GFRA2: variants seen among roughly 807,000 people sequenced by gnomAD.
GFRA2 encodes the protein GDNF family receptor alpha-2.
GFRA2 carries 17 observed loss-of-function variants against 48.3 expected under a neutral mutation model. That is an observed-to-expected ratio of 0.35 (90% CI 0.24 to 0.53). The LOEUF (loss-of-function observed/expected upper bound fraction) is 0.53. Among genes scored for constraint, GFRA2 ranks in the 20% least tolerant of loss-of-function variants. The pLI is 0.93. For synonymous variants in GFRA2, 305 were observed against 257.2 expected (o/e 1.19, Z -1.78); for missense variants, 660 against 637.3 (o/e 1.04, Z -0.38).
intron 2 of GFRA2, among the ~76,000 whole-genome samples, chr8:21,796,435 A>T (rs1281451318): frequency 1.3e-5 from 2 of 152,254 alleles, no homozygotes; most frequent in Admixed American, 1.3e-4. Context: ...CAACAGCTCC[A>T]CAGGCAGTAT....
intron 4 of GFRA2, among the ~76,000 whole-genome samples, chr8:21,723,218 G>C (rs1803689065): frequency 6.6e-6 from 1 of 152,182 alleles, no homozygotes; most frequent in Non-Finnish European, 1.5e-5. Context: ...GGAATGAGGA[G>C]ACTCTTAGTT....
At chr8:21,810,246 C>T (rs1328948812) in intron 1 of GFRA2, among the ~76,000 whole-genome samples, 1 of 152,182 alleles carries the variant, frequency 6.6e-6, no homozygotes, top group Non-Finnish European at 1.5e-5. Flanking sequence ...CCCCAGATAC[C>T]ATCCACAACA....
chr8:21,775,171 G>T lies in GFRA2; in HGVS notation c.356-116C>A, dbSNP rs1158496541. ...AGGGGAAAGCTCGTGCCACCCAAAGGATAAGAGACAGGGCAGCCCTTCCCA... is the reference window on the plus strand; with the variant it reads ...AGGGGAAAGCTCGTGCCACCCAAAGTATAAGAGACAGGGCAGCCCTTCCCA... On this transcript the variant is annotated intron_variant, in intron 2 of 8. Transcript: ENST00000524240. The T allele has an allele frequency of 4.5e-6, 3 of 665,116 alleles. No homozygotes were observed. In the African/African-American group the frequency reaches 5.3e-5, roughly 12 times the overall value. 41.2% of individuals were successfully genotyped at this position (665,116 alleles called of 1,614,324 possible). A position where few individuals can be genotyped will look rare whatever the true frequency, so the allele number is the denominator to read the frequency against.
chr8:21,739,071 C>T (rs1231822824), intron 4 of GFRA2, among the ~76,000 whole-genome samples: 5 of 152,166 alleles, frequency 3.3e-5, no homozygotes, highest in Admixed American at 2.0e-4. Flanking sequence ...ACAGTGCACC[C>T]CCATGGATGG....
intron 4 of GFRA2, among the ~76,000 whole-genome samples, chr8:21,712,206 C>T (rs905484275): frequency 3.3e-5 from 5 of 152,394 alleles, no homozygotes; most frequent in African/African-American, 9.6e-5. Context: ...GTACACCTCC[C>T]AGACGGGGTG....
chr8:21,774,039 C>G (rs1163772468), intron 3 of GFRA2, among the ~76,000 whole-genome samples: 1 of 152,156 alleles, frequency 6.6e-6, no homozygotes, highest in Non-Finnish European at 1.5e-5. Context: ...TTCAGACTGC[C>G]ACAAAACTGC....
intron 4 of GFRA2, among the ~76,000 whole-genome samples, chr8:21,713,732 G>A (rs141804151): frequency 2.3e-4 from 35 of 152,238 alleles, no homozygotes; most frequent in Middle Eastern, 3.4e-3. Flanking sequence ...GCCTGGTTCC[G>A]GACAAGCAAT....
chr8:21,758,015 A>G (rs1585305479), intron 3 of GFRA2, among the ~76,000 whole-genome samples: 1 of 152,120 alleles, frequency 6.6e-6, no homozygotes, highest in Non-Finnish European at 1.5e-5. Flanking sequence ...CGGAGGGGGA[A>G]GTCACCGGTT....
intron 1 of GFRA2, among the ~76,000 whole-genome samples, chr8:21,785,606 C>T (rs2117083717): frequency 6.6e-6 from 1 of 152,274 alleles, no homozygotes; most frequent in African/African-American, 2.4e-5. Flanking sequence ...GCTACAATTG[C>T]CCTACTGCAT....
chr8:21,706,987 C>A (rs1802782042), intron 4 of GFRA2, among the ~76,000 whole-genome samples: 1 of 152,054 alleles, frequency 6.6e-6, no homozygotes, highest in Non-Finnish European at 1.5e-5. Context: ...GGATGCTCCC[C>A]CTCTGCCATG....
chr8:21,773,437 A>G (rs1378972592), intron 3 of GFRA2, among the ~76,000 whole-genome samples: 2 of 152,184 alleles, frequency 1.3e-5, no homozygotes, highest in Admixed American at 6.5e-5. Context: ...CTGGGCATCC[A>G]AGATTTCTCC....
At chr8:21,754,199 G>T (rs762992706) in intron 3 of GFRA2, among the ~76,000 whole-genome samples, 10 of 152,194 alleles carry the variant, frequency 6.6e-5, no homozygotes, top group Non-Finnish European at 1.3e-4. Context: ...TCAAATACAA[G>T]CTCCAGGAAG....
rs1017865630 is a variant in GFRA2 at position 21,788,234 on chromosome 8, A to G, written c.-75T>C. On this transcript the variant is annotated 5_prime_UTR_variant, in exon 1 of 9. Coordinates refer to ENST00000524240, the MANE Select transcript of GFRA2 (RefSeq NM_001495.5). Reference sequence around the variant, plus strand: ...AATAATAGTAGTAACAACAACAATAATAATAGGCAAGCAGTGGTAATCAGC... The same window carrying G: ...AATAATAGTAGTAACAACAACAATAGTAATAGGCAAGCAGTGGTAATCAGC... The G allele has an allele frequency of 1.3e-6, 2 of 1,572,662 alleles. No homozygotes were observed. Among genetic ancestry groups the G allele is most frequent in the East Asian group, 4.8e-5 (2 of 41,410 alleles).
chr8:21,729,160 G>T (rs1804049238), intron 4 of GFRA2, among the ~76,000 whole-genome samples: 1 of 152,150 alleles, frequency 6.6e-6, no homozygotes, highest in Non-Finnish European at 1.5e-5. Flanking sequence ...TGGCTGAGCT[G>T]TGGGGCATTA....
rs565065578 is a variant in GFRA2 at position 21,694,300 on chromosome 8, C to G, written c.1272+164G>C. Among the ~76,000 whole-genome samples, 201 of 151,850 alleles carry G rather than the reference C, an allele frequency of 1.3e-3. 2 individuals are homozygous for G. The highest frequency in any genetic ancestry group is 4.7e-3 in the African/African-American group (194 of 41,418). The stretch of plus-strand genomic sequence containing the variant: ...GCCCTGGATGCAGCCTTCGCACTCC[C>G]CCACCCCACCCCAGCAGAGTAAGTG... On this transcript the variant is annotated intron_variant, in intron 8 of 8. Transcript: ENST00000524240.
Position 21,699,025 on chromosome 8 carries a change from G to A in GFRA2, c.1218+3780C>T, listed in dbSNP as rs572379096. ...GACCCCATCACCCTCTACCAGTCCCGCACGCAGCAGGTGCACCAATCACCT... is the reference window on the plus strand; with the variant it reads ...GACCCCATCACCCTCTACCAGTCCCACACGCAGCAGGTGCACCAATCACCT... On this transcript the variant is annotated intron_variant, in intron 7 of 8. Coordinates refer to ENST00000524240, the MANE Select transcript of GFRA2 (RefSeq NM_001495.5). Among the ~76,000 whole-genome samples, 147 of 152,252 alleles carry A rather than the reference G, an allele frequency of 9.7e-4. 1 individual carries two copies. In the Middle Eastern group the frequency reaches 0.014, roughly 14 times the overall value.
chr8:21,775,013 G>T lies in GFRA2; in HGVS notation c.398C>A (p.Ser133Tyr). The change falls in exon 3 of 9, where the codon TCC becomes TAC. Residue 133 changes from serine to tyrosine, a missense_variant. Coordinates refer to ENST00000524240, the MANE Select transcript of GFRA2 (RefSeq NM_001495.5). Reference sequence around the variant, plus strand: ...AAGCCTGAAGATGTCCGAGAGGCGGGAGGTCACCGGCTCATAGGGGGAGGC... The same window carrying T: ...AAGCCTGAAGATGTCCGAGAGGCGGTAGGTCACCGGCTCATAGGGGGAGGC... ...YEASPYEPVT[S>Y]RLSDIFRLAS... 1 of 1,606,656 alleles carries T rather than the reference G, an allele frequency of 6.2e-7. No individual in the cohort carries two copies. The highest frequency in any genetic ancestry group is 1.1e-5 in the South Asian group (1 of 90,888).
Position 21,703,438 on chromosome 8 carries a change from C to T in GFRA2, c.1046-461G>A, listed in dbSNP as rs148860754. ...CCCTGGCATGCAGGGGTCCCACATTCAGCCCTCTGCCCACTCCACACCACA... is the reference window on the plus strand; with the variant it reads ...CCCTGGCATGCAGGGGTCCCACATTTAGCCCTCTGCCCACTCCACACCACA... On this transcript the variant is annotated intron_variant, in intron 6 of 8. Transcript: ENST00000524240. 5.7e-3 allele frequency among the ~76,000 whole-genome samples: 868 copies of T among 152,168 alleles called. 12 individuals are homozygous for T. Among genetic ancestry groups the T allele is most frequent in the Middle Eastern group, 0.051 (15 of 294 alleles).
chr8:21,796,880 A>C (rs1273896815), intron 2 of GFRA2, among the ~76,000 whole-genome samples: 2 of 152,240 alleles, frequency 1.3e-5, no homozygotes, highest in Non-Finnish European at 2.9e-5. Context: ...ATGAACTACC[A>C]GCAAGTGCAC....
Sources: gnomAD v4.1 joint callset for allele counts (sites outside exome capture counted in the v4.1 genomes callset) on GRCh38, gnomAD v4.1.1 for gene constraint, MANE v1.5 for transcripts, NCBI Gene and HGNC (gene_info 2026-07-23, HGNC 2026-07-21) for gene names.